SLC8A1: variants seen among roughly 807,000 people sequenced by gnomAD.
SLC8A1 encodes sodium/calcium exchanger 1.
Under a neutral mutation model 68.3 loss-of-function variants are expected in SLC8A1, and 18 were observed. That is an observed-to-expected ratio of 0.26 (90% CI 0.18 to 0.39). SLC8A1 has a LOEUF of 0.39. SLC8A1 is among the 10% of genes least tolerant of loss of function. The pLI is 1.00. For missense variants in SLC8A1, 985 were observed against 1,156.7 expected, an observed-to-expected ratio of 0.85 and a Z score of 2.15; for synonymous variants, 475 against 415.5, an observed-to-expected ratio of 1.14 and a Z score of -1.74.
intron 2 of SLC8A1, chr2:40,223,717 C>G (rs956476464): frequency 6.6e-6 from 1 of 151,988 alleles, no homozygotes; most frequent in Non-Finnish European, 1.5e-5. Flanking sequence ...TATCACAATA[C>G]TAGATGCTGG....
intron 2 of SLC8A1, among the ~76,000 whole-genome samples, chr2:40,184,453 T>C (rs1349372506): frequency 6.6e-6 from 1 of 152,164 alleles, no homozygotes; most frequent in Non-Finnish European, 1.5e-5. Context: ...TCTCAAGAAA[T>C]GACGGTCTCT....
At chr2:40,409,974 T>A (rs889797621) in intron 2 of SLC8A1, among the ~76,000 whole-genome samples, 2 of 147,986 alleles carry the variant, frequency 1.4e-5, no homozygotes, top group African/African-American at 5.0e-5. Context: ...ACCTAGTGAA[T>A]AGGAGCAACC....
At chr2:40,337,650 C>A (rs376437936) in intron 2 of SLC8A1, among the ~76,000 whole-genome samples, 1 of 152,106 alleles carries the variant, frequency 6.6e-6, no homozygotes. Flanking sequence ...CTAAACCTTT[C>A]CCCCTAGGTT....
intron 7 of SLC8A1, among the ~76,000 whole-genome samples, chr2:40,126,644 T>G (rs1252271709): frequency 6.6e-6 from 1 of 152,140 alleles, no homozygotes; most frequent in Non-Finnish European, 1.5e-5. Flanking sequence ...GGACACAGAT[T>G]AGAGGTTTGA....
chr2:40,295,639 T>C (rs896483282), intron 2 of SLC8A1, among the ~76,000 whole-genome samples: 5 of 152,142 alleles, frequency 3.3e-5, no homozygotes, highest in African/African-American at 7.2e-5. Context: ...ATATTGATCA[T>C]AAGAATGAAA....
At chr2:40,134,024 C>T (rs868222112) in intron 7 of SLC8A1, among the ~76,000 whole-genome samples, 1 of 151,906 alleles carries the variant, frequency 6.6e-6, no homozygotes, top group Non-Finnish European at 1.5e-5. Flanking sequence ...CATAGTGATA[C>T]ACTTGTGTTA....
intron 2 of SLC8A1, among the ~76,000 whole-genome samples, chr2:40,424,713 T>A (rs1031586486): frequency 6.6e-6 from 1 of 151,812 alleles, no homozygotes; most frequent in South Asian, 2.1e-4. Context: ...ATTAAGTAAA[T>A]AATCTAACTT....
At chr2:40,488,755 A>G (rs1296804619) in intron 1 of SLC8A1, among the ~76,000 whole-genome samples, 1 of 152,010 alleles carries the variant, frequency 6.6e-6, no homozygotes, top group Non-Finnish European at 1.5e-5. Flanking sequence ...TATTATATGC[A>G]ATTTGATTTC....
intron 2 of SLC8A1, among the ~76,000 whole-genome samples, chr2:40,239,156 C>A (rs1214129777): frequency 6.6e-6 from 1 of 151,902 alleles, no homozygotes. Context: ...AAAAAGGAAA[C>A]AACAGTCAGC....
At chr2:40,289,386 G>T (rs530301817) in intron 2 of SLC8A1, among the ~76,000 whole-genome samples, 4 of 152,188 alleles carry the variant, frequency 2.6e-5, no homozygotes, top group African/African-American at 7.2e-5. Context: ...TTTCACATTT[G>T]GGAGTTGTGA....
intron 2 of SLC8A1, among the ~76,000 whole-genome samples, chr2:40,328,744 A>G (rs2149365235): frequency 6.6e-6 from 1 of 152,102 alleles, no homozygotes; most frequent in Non-Finnish European, 1.5e-5. Context: ...TCAGTTTCCA[A>G]ATTTGGTCCC....
chr2:40,435,959 T>TG (rs58863269), intron 1 of SLC8A1, among the ~76,000 whole-genome samples: 1 of 149,520 alleles, frequency 6.7e-6, no homozygotes, highest in Non-Finnish European at 1.5e-5. Context: ...TTTTTTTTTT[T>TG]GTATTTTTAG....
At chr2:40,219,646 C>A (rs2058018569) in intron 2 of SLC8A1, among the ~76,000 whole-genome samples, 1 of 152,110 alleles carries the variant, frequency 6.6e-6, no homozygotes, top group African/African-American at 2.4e-5. Context: ...TTTTTTTCTT[C>A]TCTTCAGACT....
At chr2:40,156,698 T>C (rs2044582416) in intron 6 of SLC8A1, among the ~76,000 whole-genome samples, 1 of 152,142 alleles carries the variant, frequency 6.6e-6, no homozygotes, top group African/African-American at 2.4e-5. Flanking sequence ...ACATTTCTAT[T>C]TCAAGCTGCG....
In SLC8A1 at chr2:40,120,338, C is replaced by T. The variant is rs145217045; in HGVS notation, c.2438-4709G>A. Among the ~76,000 whole-genome samples the T allele has an allele frequency of 2.0e-5, 3 of 152,242 alleles. No individual in the cohort carries two copies. In the East Asian group the frequency reaches 5.8e-4, roughly 29 times the overall value. ...GCTTCTCCCAGCAACCAGACCTTGACGTATTCGTTCACTGACAATGAAAGA... is the reference window on the plus strand; with the variant it reads ...GCTTCTCCCAGCAACCAGACCTTGATGTATTCGTTCACTGACAATGAAAGA... On this transcript the variant is annotated intron_variant, in intron 7 of 7. Transcript: ENST00000406785.
chr2:40,097,280 A>G (rs1217826220), exon 8 of SLC8A1: 7 of 152,028 alleles, frequency 4.6e-5, no homozygotes, highest in African/African-American at 1.7e-4. Flanking sequence ...TGGCTAATTG[A>G]CAAACATTTA....
chr2:40,253,192 C>T (rs574387324), intron 2 of SLC8A1, among the ~76,000 whole-genome samples: 5 of 134,418 alleles, frequency 3.7e-5, no homozygotes, highest in East Asian at 2.1e-4. Flanking sequence ...CATATATACA[C>T]GTATATGTAT....
intron 2 of SLC8A1, among the ~76,000 whole-genome samples, chr2:40,391,131 A>T (rs1685101694): frequency 6.7e-6 from 1 of 150,066 alleles, no homozygotes; most frequent in Admixed American, 6.7e-5. Context: ...TGAGCATTCT[A>T]TTCTCCTTAA....
intron 2 of SLC8A1, among the ~76,000 whole-genome samples, chr2:40,413,556 G>T (rs1375052019): frequency 1.3e-5 from 2 of 152,252 alleles, no homozygotes; most frequent in East Asian, 3.9e-4. Context: ...GAATTCAGAA[G>T]TTAATAACAT....
Sources: allele counts gnomAD v4.1 joint callset (sites outside exome capture counted in the v4.1 genomes callset), GRCh38; gene constraint gnomAD v4.1.1; transcripts MANE v1.5; gene names NCBI Gene and HGNC (gene_info 2026-07-23, HGNC 2026-07-21).